MGAT4C: variants seen among roughly 807,000 people sequenced by gnomAD.
The protein encoded by MGAT4C is alpha-1,3-mannosyl-glycoprotein 4-beta-N-acetylglucosaminyltransferase C.
A neutral mutation model predicts 40.1 loss-of-function variants in MGAT4C; 19 were observed. That is an observed-to-expected ratio of 0.47 (90% confidence interval 0.33 to 0.70). The LOEUF (loss-of-function observed/expected upper bound fraction) is 0.70, where lower values mean the gene tolerates loss of function less well. Among genes scored for constraint, MGAT4C ranks in the 30% least tolerant of loss-of-function variants. The probability of loss-of-function intolerance (pLI) is 0.02; values close to 1 mark genes in which losing one functional copy is unlikely to be tolerated. For missense variants in MGAT4C, 491 were observed against 563.2 expected (o/e 0.87, Z 1.30); for synonymous variants, 181 against 187.1 (o/e 0.97, Z 0.27).
rs1198309047 is a variant in MGAT4C, at chr12:85,980,352, T to A, written c.374A>T (p.Glu125Val). ...YLLETIKSIF[E>V]QSSYEELKEI... Reference sequence around the variant, plus strand: ...CTTCAGCTCTTCATAGCTGGATTGCTCAAAAATTGACTTAATTGTCTCAAG... The same window carrying A: ...CTTCAGCTCTTCATAGCTGGATTGCACAAAAATTGACTTAATTGTCTCAAG... The change falls in exon 5 of 5, where the codon GAG (glutamate) becomes GTG (valine). Residue 125 changes from glutamate to valine, a missense_variant. By Grantham distance (121) the Glu-to-Val change is moderately radical. Coordinates refer to ENST00000611864, the MANE Select transcript of MGAT4C (RefSeq NM_001351288.2). 6.2e-7 allele frequency: 1 copy of A among 1,613,430 alleles called. No homozygotes were observed. Among genetic ancestry groups the A allele is most frequent in the Non-Finnish European group, 8.5e-7 (1 of 1,179,760 alleles).
intron 4 of MGAT4C, among the ~76,000 whole-genome samples, chr12:86,281,315 A>G (rs531359098): frequency 5.9e-4 from 90 of 151,470 alleles, no homozygotes; most frequent in African/African-American, 2.1e-3. Context: ...TGTTTTCTCT[A>G]TTTTCCCCTT....
intron 3 of MGAT4C, among the ~76,000 whole-genome samples, chr12:86,353,265 ATAGAG>A (rs1464046135): frequency 2.0e-5 from 3 of 152,108 alleles, no homozygotes; most frequent in African/African-American, 7.2e-5. Context: ...ATTGGCTAAG[ATAGAG>A]TAATTATGTC....
At chr12:86,481,935 A>G (rs1303812103) in intron 2 of MGAT4C, among the ~76,000 whole-genome samples, 1 of 151,978 alleles carries the variant, frequency 6.6e-6, no homozygotes. Context: ...TGTTCTAAAT[A>G]CAATAATGTA....
chr12:86,548,030 C>G (rs575796139), intron 2 of MGAT4C, among the ~76,000 whole-genome samples: 1 of 152,202 alleles, frequency 6.6e-6, no homozygotes, highest in South Asian at 2.1e-4. Context: ...TTCTGTAGCT[C>G]TTAGGATCTT....
chr12:86,173,261 T>C (rs1205983606), intron 1 of MGAT4C, among the ~76,000 whole-genome samples: 2 of 152,276 alleles, frequency 1.3e-5, no homozygotes, highest in Non-Finnish European at 1.5e-5. Context: ...AATTTTCATA[T>C]TGGGCAACTA....
intron 2 of MGAT4C, among the ~76,000 whole-genome samples, chr12:86,485,966 C>T (rs1958012075): frequency 6.6e-6 from 1 of 152,044 alleles, no homozygotes. Flanking sequence ...AATTTTATAT[C>T]CCACCAAACT....
intron 2 of MGAT4C, among the ~76,000 whole-genome samples, chr12:86,438,054 G>A (rs75885117): frequency 0.044 from 6,708 of 151,988 alleles, 500 homozygotes; most frequent in African/African-American, 0.15. Context: ...AGTGAGGAAG[G>A]CATGTCAAAA....
chr12:86,400,147 G>A (rs1368860567), intron 3 of MGAT4C, among the ~76,000 whole-genome samples: 1 of 152,136 alleles, frequency 6.6e-6, no homozygotes, highest in Non-Finnish European at 1.5e-5. Flanking sequence ...ATGCTTAGTA[G>A]GTGAGGGCGA....
intron 2 of MGAT4C, among the ~76,000 whole-genome samples, chr12:86,510,329 T>G (rs1335345154): frequency 2.0e-5 from 3 of 152,022 alleles, no homozygotes; most frequent in Non-Finnish European, 4.4e-5. Flanking sequence ...CTAAAAGAGC[T>G]CCTGAAGGAA....
intron 4 of MGAT4C, among the ~76,000 whole-genome samples, chr12:86,297,045 G>T (rs570522370): frequency 6.6e-6 from 1 of 152,172 alleles, no homozygotes; most frequent in Admixed American, 6.5e-5. Context: ...CCCTGGAAAA[G>T]AAAATATTTC....
intron 1 of MGAT4C, among the ~76,000 whole-genome samples, chr12:86,201,168 T>A (rs1429183275): frequency 1.3e-5 from 2 of 152,184 alleles, no homozygotes; most frequent in Non-Finnish European, 2.9e-5. Flanking sequence ...GTGAAGTTAT[T>A]TCCCCTATTT....
intron 2 of MGAT4C, among the ~76,000 whole-genome samples, chr12:86,479,224 TAA>T (rs954105259): frequency 6.6e-6 from 1 of 152,018 alleles, no homozygotes; most frequent in Non-Finnish European, 1.5e-5. Context: ...TTTCTGTTCT[TAA>T]AAGTTTACAA....
intron 1 of MGAT4C, among the ~76,000 whole-genome samples, chr12:86,827,842 A>C (rs917633210): frequency 6.6e-6 from 1 of 151,470 alleles, no homozygotes; most frequent in Non-Finnish European, 1.5e-5. Context: ...ATAAGTAAAT[A>C]AATAAGTGGA....
intron 2 of MGAT4C, among the ~76,000 whole-genome samples, chr12:86,683,370 T>A (rs1376845168): frequency 1.3e-5 from 2 of 152,134 alleles, no homozygotes; most frequent in Admixed American, 1.3e-4. Flanking sequence ...AAGAAATAAG[T>A]CAAAACTTCT....
chr12:86,097,976 G>C (rs1259613227), intron 1 of MGAT4C, among the ~76,000 whole-genome samples: 1 of 151,508 alleles, frequency 6.6e-6, no homozygotes. Flanking sequence ...CCTGTCATTT[G>C]ACACTCATCC....
chr12:86,445,908 G>A (rs1256722620), intron 2 of MGAT4C, among the ~76,000 whole-genome samples: 1 of 152,004 alleles, frequency 6.6e-6, no homozygotes, highest in Admixed American at 6.6e-5. Context: ...CTAGGAAGAG[G>A]TACAAAATAA....
At chr12:86,707,527 T>C (rs1267933606) in intron 2 of MGAT4C, among the ~76,000 whole-genome samples, 4 of 149,670 alleles carry the variant, frequency 2.7e-5, no homozygotes, top group Admixed American at 2.7e-4. Flanking sequence ...ATTTTTCTTT[T>C]CTTTTTTTTT....
At chr12:86,180,963 T>A (rs1011118135) in intron 1 of MGAT4C, among the ~76,000 whole-genome samples, 1 of 152,074 alleles carries the variant, frequency 6.6e-6, no homozygotes, top group Non-Finnish European at 1.5e-5. Flanking sequence ...TTTGGCTGTG[T>A]CCCCACCCAA....
At chr12:86,061,664 C>G (rs905415226) in intron 1 of MGAT4C, among the ~76,000 whole-genome samples, 2 of 152,060 alleles carry the variant, frequency 1.3e-5, no homozygotes, top group African/African-American at 4.8e-5. Context: ...TGAGGTCAAC[C>G]TGGGATGCTC....
Sources: allele counts gnomAD v4.1 joint callset (sites outside exome capture counted in the v4.1 genomes callset), GRCh38; gene constraint gnomAD v4.1.1; transcripts MANE v1.5; gene names NCBI Gene and HGNC (gene_info 2026-07-23, HGNC 2026-07-21).